QKI: variants seen among roughly 807,000 people sequenced by gnomAD.
The protein encoded by QKI is QKI, KH domain containing RNA binding, also known as KH domain-containing RNA-binding protein QKI.
QKI carries 10 observed loss-of-function variants against 39.0 expected under a neutral mutation model. The observed-to-expected ratio is 0.26, with a 90% CI of 0.16 to 0.43. QKI has a LOEUF of 0.43. Among genes scored for constraint, QKI ranks in the 20% least tolerant of loss-of-function variants. QKI has a pLI of 1.00. For missense variants in QKI, 218 were observed against 428.0 expected, an observed-to-expected ratio of 0.51 and a Z score of 4.33; for synonymous variants, 204 against 155.4, an observed-to-expected ratio of 1.31 and a Z score of -2.33.
At chr6:163,562,710 A>G (rs1338107343) in intron 5 of QKI, among the ~76,000 whole-genome samples, 1 of 152,264 alleles carries the variant, frequency 6.6e-6, no homozygotes, top group East Asian at 1.9e-4. Context: ...CATGTCATTT[A>G]TATGAACATA....
chr6:163,479,640 G>T (rs1268956589), intron 3 of QKI, among the ~76,000 whole-genome samples: 1 of 152,218 alleles, frequency 6.6e-6, no homozygotes, highest in African/African-American at 2.4e-5. Context: ...AAAGGTCTGG[G>T]ATTATAGGCG....
In QKI at chr6:163,415,079, C is replaced by A; in HGVS notation, c.-115C>A. 1.0e-6 allele frequency: 1 copy of A among 961,030 alleles called. No individual in the cohort carries two copies. Among genetic ancestry groups the A allele is most frequent in the Non-Finnish European group, 1.2e-6 (1 of 807,434 alleles). The allele number at this position is 961,030 out of a possible 1,614,324, so 59.5% of individuals were successfully genotyped here. A position where few individuals can be genotyped will look rare whatever the true frequency, so the allele number is the denominator to read the frequency against. On this transcript the variant is annotated 5_prime_UTR_variant, in exon 1 of 8. Transcript: ENST00000361752. ...GCGGGAGCCAGAGCGGGAGCCGGCG[C>A]GGAGCGGGACGCCGGGTCCCGAGCG...
chr6:163,550,988 A>G (rs534715365), intron 4 of QKI, among the ~76,000 whole-genome samples: 2 of 151,018 alleles, frequency 1.3e-5, no homozygotes, highest in Non-Finnish European at 2.9e-5. Context: ...GGACAGGGGC[A>G]TCGATCAAAT....
At chr6:163,457,843 G>C (rs1791039903) in intron 2 of QKI, among the ~76,000 whole-genome samples, 1 of 152,110 alleles carries the variant, frequency 6.6e-6, no homozygotes, top group South Asian at 2.1e-4. Context: ...GCTGTAATCA[G>C]TGTTATGGAG....
chr6:163,434,072 A>G (rs918935316), intron 1 of QKI, among the ~76,000 whole-genome samples: 3 of 152,176 alleles, frequency 2.0e-5, no homozygotes, highest in Non-Finnish European at 1.5e-5. Context: ...GTTTTCAACA[A>G]ACTTTTTTTT....
intron 4 of QKI, among the ~76,000 whole-genome samples, chr6:163,550,514 T>C (rs925933088): frequency 1.3e-5 from 2 of 152,198 alleles, no homozygotes; most frequent in Non-Finnish European, 2.9e-5. Flanking sequence ...GCTATTATTA[T>C]AAAACTGAGT....
At chr6:163,555,573 A>G (rs1383576248) in intron 4 of QKI, among the ~76,000 whole-genome samples, 2 of 151,530 alleles carry the variant, frequency 1.3e-5, no homozygotes, top group Non-Finnish European at 2.9e-5. Context: ...TTATTGAGGA[A>G]CACATAGGAT....
chr6:163,531,801 C>T (rs73021406), intron 3 of QKI, among the ~76,000 whole-genome samples: 5,847 of 152,216 alleles, frequency 0.038, 115 homozygotes, highest in Middle Eastern at 0.061. Context: ...CCACTGTGCC[C>T]GGCTGAGTTT....
chr6:163,437,975 A>G (rs1789446703), intron 1 of QKI, among the ~76,000 whole-genome samples: 1 of 152,160 alleles, frequency 6.6e-6, no homozygotes, highest in Non-Finnish European at 1.5e-5. Context: ...AGCTAAATGT[A>G]CTGTGAGGTT....
At chr6:163,436,022 C>T (rs979257360) in intron 1 of QKI, among the ~76,000 whole-genome samples, 6 of 152,210 alleles carry the variant, frequency 3.9e-5, no homozygotes, top group Admixed American at 3.3e-4. Flanking sequence ...AGTGTTTAAT[C>T]CAGAATTTAG....
At chr6:163,567,041 A>C in intron 7 of QKI, 1 of 1,125,162 alleles carries the variant, frequency 8.9e-7, no homozygotes, top group Non-Finnish European at 1.1e-6. Context: ...ATTCCTACTA[A>C]AACATAAATT....
In QKI at chr6:163,572,072, T is replaced by G. The variant is rs1291064621; in HGVS notation, c.*1362T>G. On this transcript the variant is annotated 3_prime_UTR_variant, in exon 8 of 8. Transcript: ENST00000361752. The stretch of plus-strand genomic sequence containing the variant: ...AATCTGATACTGTGAAAAGATTTGA[T>G]AACTTTTCTAATGCCTGACTAGTAA... 1 of 152,232 alleles carries G rather than the reference T, an allele frequency of 6.6e-6. No homozygotes were observed. The highest frequency in any genetic ancestry group is 2.4e-5 in the African/African-American group (1 of 41,466). The allele number at this position is 152,232 out of a possible 1,614,324, so 9.4% of individuals were successfully genotyped here.
At chr6:163,550,205 G>T (rs535839757) in intron 4 of QKI, among the ~76,000 whole-genome samples, 64 of 152,298 alleles carry the variant, frequency 4.2e-4, no homozygotes, top group Middle Eastern at 6.8e-3. Flanking sequence ...CTTCTTGCTG[G>T]TGGGGACTCT....
Position 163,443,068 on chromosome 6 carries a change from G to C in QKI, c.143-12211G>C, listed in dbSNP as rs1416897768. Among the ~76,000 whole-genome samples, 3 of 152,242 alleles carry C rather than the reference G, an allele frequency of 2.0e-5. No homozygotes were observed. In the East Asian group the frequency reaches 5.8e-4, roughly 29 times the overall value. Reference sequence around the variant, plus strand: ...TGAATCTTTGTGAAGTAAACCAACTGTGGTTTAATTAAAGGAGATCATATT... The same window carrying C: ...TGAATCTTTGTGAAGTAAACCAACTCTGGTTTAATTAAAGGAGATCATATT... On this transcript the variant is annotated intron_variant, in intron 1 of 7. Coordinates refer to ENST00000361752, the MANE Select transcript of QKI (RefSeq NM_006775.3).
At chr6:163,566,464 A>ATACT in intron 6 of QKI, 1 of 1,316,688 alleles carries the variant, frequency 7.6e-7, no homozygotes, top group Non-Finnish European at 9.7e-7. Context: ...AGCTCATGAA[A>ATACT]TACTGTAACT....
At chr6:163,484,962 G>A (rs933474930) in intron 3 of QKI, among the ~76,000 whole-genome samples, 16 of 152,158 alleles carry the variant, frequency 1.1e-4, no homozygotes, top group African/African-American at 3.9e-4. Flanking sequence ...GAAAAATGCA[G>A]TATATGTGAA....
rs1404510192 is a variant in QKI at position 163,578,326 on chromosome 6, A to G, written c.*7616A>G. The G allele has an allele frequency of 6.6e-6, 1 of 152,196 alleles. No individual in the cohort carries two copies. Among genetic ancestry groups the G allele is most frequent in the Non-Finnish European group, 1.5e-5 (1 of 68,032 alleles). The allele number at this position is 152,196 out of a possible 1,614,324, so 9.4% of individuals were successfully genotyped here. ...GCAGAACTATTTGAGTTGATACTAA[A>G]GATTTTATGTTCACTCCTTTACCTT... On this transcript the variant is annotated 3_prime_UTR_variant, in exon 8 of 8. Coordinates refer to ENST00000361752, the MANE Select transcript of QKI (RefSeq NM_006775.3).
At chr6:163,424,495 CTA>C (rs1250399699) in intron 1 of QKI, among the ~76,000 whole-genome samples, 2 of 152,154 alleles carry the variant, frequency 1.3e-5, no homozygotes, top group Non-Finnish European at 2.9e-5. Flanking sequence ...GGTGAGATAA[CTA>C]ATGTCTCTGA....
At chr6:163,483,138 A>G (rs1338786804) in intron 3 of QKI, among the ~76,000 whole-genome samples, 3 of 152,242 alleles carry the variant, frequency 2.0e-5, no homozygotes, top group South Asian at 4.1e-4. Context: ...ACTATAGTCT[A>G]TTAAATTTGT....
Sources: gnomAD v4.1 joint callset for allele counts (sites outside exome capture counted in the v4.1 genomes callset) on GRCh38, gnomAD v4.1.1 for gene constraint, MANE v1.5 for transcripts, NCBI Gene and HGNC (gene_info 2026-07-23, HGNC 2026-07-21) for gene names.